FAM135B: variants seen among roughly 807,000 people sequenced by gnomAD.
FAM135B encodes the protein family with sequence similarity 135 member B.
A neutral mutation model predicts 127.7 loss-of-function variants in FAM135B; 43 were observed. That is an observed-to-expected ratio of 0.34 (90% CI 0.26 to 0.43). FAM135B has a LOEUF of 0.43. FAM135B is among the 20% of genes least tolerant of loss of function. The pLI is 1.00. For missense variants in FAM135B, 1,558 were observed against 1,725.6 expected, an observed-to-expected ratio of 0.90 and a Z score of 1.72; for synonymous variants, 670 against 665.1, an observed-to-expected ratio of 1.01 and a Z score of -0.11.
chr8:138,320,819 C>A (rs568170584), intron 2 of FAM135B, among the ~76,000 whole-genome samples: 7 of 152,290 alleles, frequency 4.6e-5, no homozygotes, highest in South Asian at 4.1e-4. Flanking sequence ...TTTCCCCAAA[C>A]AATGGTGTTC....
intron 7 of FAM135B, among the ~76,000 whole-genome samples, chr8:138,207,169 A>G (rs1817754277): frequency 6.6e-6 from 1 of 151,670 alleles, no homozygotes; most frequent in Non-Finnish European, 1.5e-5. Flanking sequence ...ATTCTCAGCT[A>G]CTTTTACATA....
At chr8:138,342,177 T>C (rs951529961) in intron 2 of FAM135B, among the ~76,000 whole-genome samples, 1 of 152,216 alleles carries the variant, frequency 6.6e-6, no homozygotes, top group African/African-American at 2.4e-5. Context: ...ACAGGCAGAC[T>C]GAGCTCAAAG....
At chr8:138,447,111 T>C (rs975640146) in intron 1 of FAM135B, among the ~76,000 whole-genome samples, 9 of 151,762 alleles carry the variant, frequency 5.9e-5, no homozygotes, top group Non-Finnish European at 1.0e-4. Flanking sequence ...TGAGATACCA[T>C]CTCACACCAG....
chr8:138,239,673 C>T (rs1393212720), intron 7 of FAM135B, among the ~76,000 whole-genome samples: 1 of 152,178 alleles, frequency 6.6e-6, no homozygotes, highest in Non-Finnish European at 1.5e-5. Context: ...GATTATAAAT[C>T]ATGCTGCTAT....
At chr8:138,323,686 A>T (rs1827605884) in intron 2 of FAM135B, among the ~76,000 whole-genome samples, 1 of 152,144 alleles carries the variant, frequency 6.6e-6, no homozygotes. Context: ...TTGAAGCCAA[A>T]TACACTTCTT....
At chr8:138,192,363 C>G (rs1816207166) in intron 9 of FAM135B, among the ~76,000 whole-genome samples, 1 of 152,228 alleles carries the variant, frequency 6.6e-6, no homozygotes, top group South Asian at 2.1e-4. Context: ...GCTTTCCCAA[C>G]ACAAACCCCC....
intron 7 of FAM135B, among the ~76,000 whole-genome samples, chr8:138,201,172 C>T (rs946141914): frequency 6.6e-6 from 1 of 152,180 alleles, no homozygotes; most frequent in African/African-American, 2.4e-5. Context: ...TGACTTCAAG[C>T]GGTCCTTAGA....
chr8:138,156,153 C>A (rs201622799), intron 12 of FAM135B, among the ~76,000 whole-genome samples: 1 of 152,110 alleles, frequency 6.6e-6, no homozygotes, highest in East Asian at 1.9e-4. Flanking sequence ...CACTCAAAAC[C>A]GCTCAACTAC....
intron 1 of FAM135B, among the ~76,000 whole-genome samples, chr8:138,462,885 G>A (rs2131622400): frequency 6.6e-6 from 1 of 152,282 alleles, no homozygotes; most frequent in South Asian, 2.1e-4. Flanking sequence ...TTTCAACCAC[G>A]ACTTCTCTGA....
At chr8:138,429,732 T>G (rs995481782) in intron 1 of FAM135B, among the ~76,000 whole-genome samples, 9 of 152,162 alleles carry the variant, frequency 5.9e-5, no homozygotes, top group Non-Finnish European at 1.2e-4. Flanking sequence ...GAGGCAGAGA[T>G]GTTGGCGGCC....
At chr8:138,482,759 A>C (rs1189983186) in intron 1 of FAM135B, among the ~76,000 whole-genome samples, 1 of 152,228 alleles carries the variant, frequency 6.6e-6, no homozygotes, top group African/African-American at 2.4e-5. Flanking sequence ...TGCCAGTAGC[A>C]AAGTTAGGAT....
In FAM135B at chr8:138,152,940, C is replaced by G. The variant is rs765231155; in HGVS notation, c.1535G>C (p.Gly512Ala). 1.2e-6 allele frequency: 2 copies of G among 1,614,072 alleles called. No homozygotes were observed. Among genetic ancestry groups the G allele is most frequent in the Non-Finnish European group, 1.7e-6 (2 of 1,180,048 alleles). Residue 512 changes from glycine to alanine, a missense_variant, in exon 13 of 20, where the codon GGT (glycine) becomes GCT (alanine). This residue lies in a region of FAM135B where 923 missense variants were observed against 865.3 expected (regional missense o/e 1.07). Transcript: ENST00000395297. ...ISIGEFQNKA[G>A]VPEDECWTGQ... ...AGTCCAACATTCATCTTCAGGCACA[C>G]CTGCTTTGTTTTGAAATTCACCAAT...
At chr8:138,340,600 A>AC (rs1828981013) in intron 2 of FAM135B, among the ~76,000 whole-genome samples, 1 of 152,124 alleles carries the variant, frequency 6.6e-6, no homozygotes, top group African/African-American at 2.4e-5. Flanking sequence ...GGCATTGAGT[A>AC]CTAGCTATGA....
At chr8:138,237,048 G>C (rs981347035) in intron 7 of FAM135B, among the ~76,000 whole-genome samples, 22 of 152,104 alleles carry the variant, frequency 1.4e-4, no homozygotes, top group African/African-American at 5.3e-4. Flanking sequence ...TCCTCCGTCG[G>C]ATGACGGAAC....
intron 8 of FAM135B, among the ~76,000 whole-genome samples, chr8:138,196,949 C>A (rs868785035): frequency 1.3e-5 from 2 of 152,186 alleles, no homozygotes; most frequent in Admixed American, 6.5e-5. Context: ...TTCAAGCCCA[C>A]TGATTTCCAT....
At chr8:138,178,196 G>A (rs548105377) in intron 10 of FAM135B, among the ~76,000 whole-genome samples, 20 of 151,920 alleles carry the variant, frequency 1.3e-4, no homozygotes, top group South Asian at 4.2e-4. Flanking sequence ...TGCAGTGAGC[G>A]GAGATTGCAC....
intron 1 of FAM135B, among the ~76,000 whole-genome samples, chr8:138,403,281 C>T (rs969168963): frequency 3.3e-5 from 5 of 152,136 alleles, no homozygotes; most frequent in Non-Finnish European, 5.9e-5. Context: ...AATGTCCAGA[C>T]AAAGCCCTCT....
chr8:138,415,915 C>G (rs528934192), intron 1 of FAM135B, among the ~76,000 whole-genome samples: 1 of 152,276 alleles, frequency 6.6e-6, no homozygotes, highest in Admixed American at 6.5e-5. Context: ...AACTAAAATT[C>G]TACTTCTTTG....
intron 1 of FAM135B, among the ~76,000 whole-genome samples, chr8:138,473,489 T>C (rs1388284921): frequency 6.6e-6 from 1 of 152,136 alleles, no homozygotes; most frequent in East Asian, 1.9e-4. Flanking sequence ...CGGAAATATA[T>C]ACCTCAGAGA....
Sources: gnomAD v4.1 joint callset for allele counts (sites outside exome capture counted in the v4.1 genomes callset) on GRCh38, gnomAD v4.1.1 for gene constraint, gnomAD v4.1.1 regional missense constraint, MANE v1.5 for transcripts, NCBI Gene and HGNC (gene_info 2026-07-23, HGNC 2026-07-21) for gene names.